MSR1: variants seen among roughly 807,000 people sequenced by gnomAD.
MSR1 encodes macrophage scavenger receptor 1.
MSR1 carries 53 observed loss-of-function variants against 47.2 expected under a neutral mutation model. The observed-to-expected ratio is 1.12, with a 90% CI of 0.90 to 1.41. The LOEUF is 1.41. Among genes scored for constraint, MSR1 ranks in the 40% most tolerant of loss-of-function variants. The pLI, the probability that MSR1 is intolerant of heterozygous loss-of-function variation, is 0.00. For missense variants in MSR1, 786 were observed against 546.9 expected (o/e 1.44, Z -4.36); for synonymous variants, 239 against 185.6 (o/e 1.29, Z -2.34).
rs1280171834 is a variant in MSR1, at chr8:16,109,393, G to C, written c.*692C>G. 6.6e-6 allele frequency: 1 copy of C among 152,076 alleles called. No individual in the cohort carries two copies. Among genetic ancestry groups the C allele is most frequent in the Non-Finnish European group, 1.5e-5 (1 of 68,014 alleles). The allele number at this position is 152,076 out of a possible 1,614,324, so 9.4% of individuals were successfully genotyped here. ...AAACTTCCTGTTAAGTGGCATTTTT[G>C]ATCCACCAATTATCTGGACAAATAT... On this transcript the variant is annotated 3_prime_UTR_variant, in exon 10 of 10. Transcript: ENST00000262101.
intron 5 of MSR1, among the ~76,000 whole-genome samples, chr8:16,163,413 G>GT (rs531606667): frequency 7.3e-4 from 110 of 151,540 alleles, no homozygotes; most frequent in African/African-American, 2.6e-3. Context: ...CATGCAAATG[G>GT]TTGAAATCAA....
At chr8:16,183,582 T>A (rs1801901686) in intron 1 of MSR1, among the ~76,000 whole-genome samples, 2 of 143,476 alleles carry the variant, frequency 1.4e-5, no homozygotes, top group Non-Finnish European at 3.0e-5. Flanking sequence ...ATTATGTTAA[T>A]ATATTACATA....
intron 7 of MSR1, among the ~76,000 whole-genome samples, chr8:16,147,842 G>A (rs1276975105): frequency 6.6e-6 from 1 of 152,106 alleles, no homozygotes. Flanking sequence ...CTTTGTGCGT[G>A]ATTACTCTTT....
chr8:16,178,900 A>G lies in MSR1; in HGVS notation c.-4-908T>C, dbSNP rs559149042. ...AAAAATGAAACGGAATCTATATTCT[A>G]TGACACAATCTGTAATAAATAACAT... is the stretch of plus-strand genomic sequence containing the variant. On this transcript the variant is annotated intron_variant, in intron 1 of 9. Transcript: ENST00000262101. Among the ~76,000 whole-genome samples, 9 of 152,308 alleles carry G rather than the reference A, an allele frequency of 5.9e-5. No individual in the cohort carries two copies. In the South Asian group the frequency reaches 1.2e-3, roughly 21 times the overall value.
chr8:16,190,450 A>C (rs1362325945), intron 1 of MSR1, among the ~76,000 whole-genome samples: 2 of 152,138 alleles, frequency 1.3e-5, no homozygotes, highest in African/African-American at 4.8e-5. Flanking sequence ...AGAGTTAAAT[A>C]ATACCTAAAA....
chr8:16,161,381 T>G (rs955811158), intron 5 of MSR1, among the ~76,000 whole-genome samples: 3 of 151,976 alleles, frequency 2.0e-5, no homozygotes, highest in African/African-American at 7.2e-5. Context: ...GGTTTTGAAT[T>G]TGTAAAGCTT....
At chr8:16,133,901 G>A (rs896752879) in intron 8 of MSR1, among the ~76,000 whole-genome samples, 9 of 152,190 alleles carry the variant, frequency 5.9e-5, no homozygotes, top group African/African-American at 2.2e-4. Flanking sequence ...CTAAGTCACA[G>A]TTGTGCAAGC....
chr8:16,141,651 A>G (rs1237552435), intron 8 of MSR1, among the ~76,000 whole-genome samples: 2 of 152,138 alleles, frequency 1.3e-5, no homozygotes, highest in Non-Finnish European at 2.9e-5. Context: ...CAGAGGCTGT[A>G]TACAAACATC....
chr8:16,110,110 T>C lies in MSR1; in HGVS notation c.1331A>G (p.Asp444Gly). ...TTATAAAGTGCAAGTGACTCCAGCATCTTCAGAATGTGAACAGGCTCTTGT... is the reference window on the plus strand; with the variant it reads ...TTATAAAGTGCAAGTGACTCCAGCACCTTCAGAATGTGAACAGGCTCTTGT... ...WGTRACSHSE[D>G]AGVTCTL The change falls in exon 10 of 10, where the codon GAT (aspartate) becomes GGT (glycine). Residue 444 changes from aspartate to glycine, a missense_variant. Asp to Gly is a moderately conservative substitution (Grantham distance 94). Transcript: ENST00000262101. 1 of 1,613,708 alleles carries C rather than the reference T, an allele frequency of 6.2e-7. No individual in the cohort carries two copies.
intron 9 of MSR1, among the ~76,000 whole-genome samples, chr8:16,112,522 T>C (rs1799780244): frequency 6.6e-6 from 1 of 152,146 alleles, no homozygotes; most frequent in African/African-American, 2.4e-5. Flanking sequence ...TTCAAGACTA[T>C]TGAGCCCAGG....
intron 8 of MSR1, chr8:16,140,586 G>A (rs1227025732): frequency 1.9e-6 from 2 of 1,070,444 alleles, no homozygotes; most frequent in Non-Finnish European, 2.3e-6. Flanking sequence ...GAATCGCTTT[G>A]CTTGACTGAA....
At chr8:16,133,364 A>G (rs1053696341) in intron 8 of MSR1, among the ~76,000 whole-genome samples, 3 of 152,156 alleles carry the variant, frequency 2.0e-5, no homozygotes, top group African/African-American at 7.2e-5. Flanking sequence ...AGAAGTCAGA[A>G]GGAGCCAAAT....
chr8:16,181,988 A>G (rs776227041), intron 1 of MSR1, among the ~76,000 whole-genome samples: 3 of 152,108 alleles, frequency 2.0e-5, no homozygotes, highest in Non-Finnish European at 4.4e-5. Context: ...TTGCTAGTCA[A>G]TTTCATGGCT....
chr8:16,188,759 G>C lies in MSR1; in HGVS notation c.-5+3839C>G, dbSNP rs187506409. ...TGTCACTTATGAGTGAGAACATGCAGTGTTTCTTTTTCTGTTCCTCTGTTA... is the reference window on the plus strand; with the variant it reads ...TGTCACTTATGAGTGAGAACATGCACTGTTTCTTTTTCTGTTCCTCTGTTA... On this transcript the variant is annotated intron_variant, in intron 1 of 9. Transcript: ENST00000262101. Among the ~76,000 whole-genome samples the C allele has an allele frequency of 2.0e-5, 3 of 152,002 alleles. No homozygotes were observed. In the East Asian group the frequency reaches 5.8e-4, roughly 29 times the overall value.
At chr8:16,125,554 T>C (rs1220360206) in intron 8 of MSR1, among the ~76,000 whole-genome samples, 1 of 152,146 alleles carries the variant, frequency 6.6e-6, no homozygotes, top group African/African-American at 2.4e-5. Context: ...TTTACATCTC[T>C]ATGACAATGA....
chr8:16,117,084 G>A (rs1799892972), intron 9 of MSR1, among the ~76,000 whole-genome samples: 1 of 152,126 alleles, frequency 6.6e-6, no homozygotes, highest in South Asian at 2.1e-4. Context: ...GACCAATAGT[G>A]TCCATGGCCT....
Position 16,150,262 on chromosome 8 carries a change from A to G in MSR1, c.948T>C (p.Ser316=). The G allele has an allele frequency of 6.4e-7, 1 of 1,567,040 alleles. No homozygotes were observed. Among genetic ancestry groups the G allele is most frequent in the Non-Finnish European group, 8.7e-7 (1 of 1,153,904 alleles). ...GDRGAIGFPG[S]RGLPGYAGRP... is the part of the protein sequence containing the mutation. ...TTCCGGCATATCCTGGGAGTCCTCG[A>G]CTTCCAGGAAAGCCAATTGCTCCCC... Residue 316 remains serine (S), a synonymous_variant, in exon 7 of 10, where the codon AGT becomes AGC. Transcript: ENST00000262101.
intron 4 of MSR1, among the ~76,000 whole-genome samples, chr8:16,168,038 T>G (rs1158185130): frequency 6.6e-6 from 1 of 152,056 alleles, no homozygotes; most frequent in South Asian, 2.1e-4. Flanking sequence ...GGACCATGTA[T>G]AAGTTCAAAA....
intron 8 of MSR1, among the ~76,000 whole-genome samples, chr8:16,138,041 T>C (rs1800434448): frequency 6.6e-6 from 1 of 151,496 alleles, no homozygotes; most frequent in Non-Finnish European, 1.5e-5. Flanking sequence ...TCACAGGCTT[T>C]ACTTTGATCA....
Sources: gnomAD v4.1 joint callset for allele counts (sites outside exome capture counted in the v4.1 genomes callset) on GRCh38, gnomAD v4.1.1 for gene constraint, MANE v1.5 for transcripts, NCBI Gene and HGNC (gene_info 2026-07-23, HGNC 2026-07-21) for gene names.